SMARCAL1: variants seen among roughly 807,000 people sequenced by gnomAD.
SMARCAL1 encodes the protein SNF2 related chromatin remodeling annealing helicase 1.
In SMARCAL1, 58 loss-of-function variants were observed where a neutral mutation model predicts 94.5. The observed-to-expected ratio is 0.61, with a 90% CI of 0.50 to 0.76. The LOEUF (loss-of-function observed/expected upper bound fraction) is 0.76. Ranked by LOEUF, SMARCAL1 falls within the 30% of genes least tolerant of loss-of-function variation. The pLI is 0.00. For missense variants in SMARCAL1, 1,051 were observed against 1,177.9 expected, an observed-to-expected ratio of 0.89 and a Z score of 1.58; for synonymous variants, 422 against 455.1, an observed-to-expected ratio of 0.93 and a Z score of 0.93.
At chr2:216,444,733 T>C (rs1390413232) in intron 10 of SMARCAL1, among the ~76,000 whole-genome samples, 1 of 152,214 alleles carries the variant, frequency 6.6e-6, no homozygotes, top group Non-Finnish European at 1.5e-5. Context: ...GCCAGGTTGG[T>C]CTCGAACTCC....
At chr2:216,471,641 A>G (rs1201242944) in intron 14 of SMARCAL1, among the ~76,000 whole-genome samples, 2 of 152,202 alleles carry the variant, frequency 1.3e-5, no homozygotes, top group Non-Finnish European at 2.9e-5. Flanking sequence ...GGCGTGAGCC[A>G]CCATGCCCAG....
rs553585705 is a variant in SMARCAL1, at chr2:216,416,320, A to T, written c.862+13A>T. On this transcript the variant is annotated intron_variant, in intron 4 of 17. Coordinates refer to ENST00000357276, the MANE Select transcript of SMARCAL1 (RefSeq NM_014140.4). The stretch of plus-strand genomic sequence containing the variant: ...TATAGTGCCCTGAGTAAGTAGACAC[A>T]TGGTTGTCTCATGGAGGGTGGCACT... 2 of 1,607,936 alleles carry T rather than the reference A, an allele frequency of 1.2e-6. No homozygotes were observed. Among genetic ancestry groups the T allele is most frequent in the South Asian group, 2.2e-5 (2 of 90,938 alleles).
intron 17 of SMARCAL1, among the ~76,000 whole-genome samples, chr2:216,480,069 A>G (rs536143684): frequency 2.0e-4 from 31 of 152,284 alleles, no homozygotes; most frequent in Admixed American, 1.8e-3. Flanking sequence ...AAAAAAAAGA[A>G]AGCCTATTTT....
chr2:216,439,339 A>AT (rs1694148767), intron 10 of SMARCAL1, among the ~76,000 whole-genome samples: 1 of 149,834 alleles, frequency 6.7e-6, no homozygotes, highest in African/African-American at 2.5e-5. Flanking sequence ...GGGGGGGATG[A>AT]TTTTTTTCCT....
chr2:216,423,558 A>G, intron 5 of SMARCAL1, 75 bp from the exon 6 acceptor site: 7 of 1,240,932 alleles, frequency 5.6e-6, no homozygotes, highest in Non-Finnish European at 8.3e-6. Flanking sequence ...GAAACCAAGG[A>G]ATAAATGAGT....
chr2:216,478,324 C>T lies in SMARCAL1; in HGVS notation c.2625+25C>T, dbSNP rs188825116. On this transcript the variant is annotated intron_variant, in intron 17 of 17. Coordinates refer to ENST00000357276, the MANE Select transcript of SMARCAL1 (RefSeq NM_014140.4). The stretch of plus-strand genomic sequence containing the variant: ...GGTAATGCCAGCACATGGCTCTTCA[C>T]CCCTGGAGCAGAGGGAGGCATTAAG... 8.8e-5 allele frequency: 137 copies of T among 1,557,162 alleles called. No homozygotes were observed. The East Asian group carries it at 2.8e-3, about 32-fold the overall frequency.
At chr2:216,425,648 A>G (rs186574278) in intron 6 of SMARCAL1, among the ~76,000 whole-genome samples, 181 of 152,280 alleles carry the variant, frequency 1.2e-3, no homozygotes, top group African/African-American at 3.3e-3. Flanking sequence ...GGTTACATGA[A>G]CAACTGGAGA....
chr2:216,454,720 C>T (rs181783705), intron 12 of SMARCAL1, among the ~76,000 whole-genome samples: 22 of 152,244 alleles, frequency 1.4e-4, no homozygotes, highest in South Asian at 4.1e-4. Context: ...CATCTTGGGG[C>T]GGTTCCAAGA....
In SMARCAL1 at chr2:216,482,834, C is replaced by T. The variant is rs769791427; in HGVS notation, c.2722C>T (p.Pro908Ser). 1 of 1,614,038 alleles carries T rather than the reference C, an allele frequency of 6.2e-7. No individual in the cohort carries two copies. The highest frequency in any genetic ancestry group is 1.7e-5 in the Admixed American group (1 of 60,012). ...CCTGGAAGCAGCAGAGTCCTTTGACCCAGGAAGTGCTTCAGGAACATCTGG... is the reference window on the plus strand; with the variant it reads ...CCTGGAAGCAGCAGAGTCCTTTGACTCAGGAAGTGCTTCAGGAACATCTGG... ...ELLEAAESFDPGSASGTSGSS... is the reference protein window; with the variant it reads ...ELLEAAESFDSGSASGTSGSS... The change falls in exon 18 of 18, where the codon CCA (proline) becomes TCA (serine). Residue 908 changes from proline to serine, a missense_variant. Pro to Ser is a moderately conservative substitution (Grantham distance 74). Transcript: ENST00000357276. This position sits in a 1 kb window ranked among gnomAD's most constrained non-coding sequence, Gnocchi z 4.3.
chr2:216,449,089 C>T (rs988421852), intron 11 of SMARCAL1, among the ~76,000 whole-genome samples: 3 of 152,194 alleles, frequency 2.0e-5, no homozygotes, highest in African/African-American at 7.2e-5. Flanking sequence ...CTCTTCATAA[C>T]ATGGCAGAAG....
intron 6 of SMARCAL1, among the ~76,000 whole-genome samples, chr2:216,425,120 CCTGGCAGG>C (rs985392694): frequency 4.6e-5 from 7 of 152,214 alleles, no homozygotes; most frequent in African/African-American, 1.4e-4. Context: ...GCCCACTCGA[CCTGGCAGG>C]CTGCGCTCGG....
chr2:216,467,047 C>T (rs1235505753), intron 13 of SMARCAL1, among the ~76,000 whole-genome samples: 1 of 152,208 alleles, frequency 6.6e-6, no homozygotes, highest in African/African-American at 2.4e-5. Context: ...CTTACCTCTT[C>T]TTTGGGATTG....
chr2:216,467,442 G>A (rs1352736994), intron 13 of SMARCAL1, among the ~76,000 whole-genome samples: 2 of 141,152 alleles, frequency 1.4e-5, no homozygotes, highest in African/African-American at 5.6e-5. Context: ...CTGCACTCCA[G>A]CCTGGGCGAC....
At chr2:216,435,262 G>A in intron 8 of SMARCAL1, 76 bp from the exon 9 acceptor site, 2 of 1,504,908 alleles carry the variant, frequency 1.3e-6, no homozygotes, top group South Asian at 2.3e-5. Flanking sequence ...TGATGGGCAT[G>A]AGACTGCTGC....
intron 17 of SMARCAL1, among the ~76,000 whole-genome samples, chr2:216,479,834 T>G (rs1296192667): frequency 6.6e-6 from 1 of 152,144 alleles, no homozygotes; most frequent in Non-Finnish European, 1.5e-5. Flanking sequence ...ACAGATGACT[T>G]GAGCCCAGGA....
chr2:216,466,445 T>G (rs1694830786), intron 13 of SMARCAL1, among the ~76,000 whole-genome samples: 1 of 152,220 alleles, frequency 6.6e-6, no homozygotes, highest in Non-Finnish European at 1.5e-5. Flanking sequence ...TCTCTGGACC[T>G]CAGAGTCACA....
Position 216,475,507 on chromosome 2 carries a change from G to T in SMARCAL1, c.2427+56G>T, listed in dbSNP as rs1553534866. 1 of 1,559,474 alleles carries T rather than the reference G, an allele frequency of 6.4e-7. No homozygotes were observed. Among genetic ancestry groups the T allele is most frequent in the East Asian group, 2.2e-5 (1 of 44,568 alleles). On this transcript the variant is annotated intron_variant, in intron 15 of 17. Coordinates refer to ENST00000357276, the MANE Select transcript of SMARCAL1 (RefSeq NM_014140.4). The surrounding 1 kb of genome is among the most constrained non-coding windows in gnomAD (Gnocchi z 4.4). Reference sequence around the variant, plus strand: ...CAGGCATGCTCATGGCTGTGGGCAGGAAGCAGTGAGTGTCGGTCGGGGAAA... The same window carrying T: ...CAGGCATGCTCATGGCTGTGGGCAGTAAGCAGTGAGTGTCGGTCGGGGAAA...
At chr2:216,479,878 C>G (rs1327271846) in intron 17 of SMARCAL1, among the ~76,000 whole-genome samples, 5 of 152,048 alleles carry the variant, frequency 3.3e-5, no homozygotes, top group Non-Finnish European at 5.9e-5. Flanking sequence ...TGGTGAAACC[C>G]CCATCTCTAC....
intron 13 of SMARCAL1, among the ~76,000 whole-genome samples, chr2:216,465,298 C>T (rs1352236863): frequency 2.0e-5 from 3 of 152,008 alleles, no homozygotes; most frequent in African/African-American, 4.8e-5. Context: ...AGCTGCTGCT[C>T]GTTAAAAGGA....
Sources: allele counts gnomAD v4.1 joint callset (sites outside exome capture counted in the v4.1 genomes callset), GRCh38; gene constraint gnomAD v4.1.1; non-coding constraint Gnocchi (gnomAD v3.1); transcripts MANE v1.5; gene names NCBI Gene and HGNC (gene_info 2026-07-23, HGNC 2026-07-21).